The following DOCK1 variants were observed in gnomAD, a reference collection of about 807,000 sequenced individuals.
DOCK1 encodes dedicator of cytokinesis protein 1.
A neutral mutation model predicts 262.7 loss-of-function variants in DOCK1; 138 were observed. The ratio of observed to expected loss-of-function variants is 0.53; its 90% CI spans 0.46 to 0.61. The LOEUF is 0.61. Among genes scored for constraint, DOCK1 ranks in the 20% least tolerant of loss-of-function variants. The pLI is 0.00. For missense variants in DOCK1, 1,908 were observed against 2,370.7 expected, an observed-to-expected ratio of 0.80 and a Z score of 4.05; for synonymous variants, 866 against 867.4, an observed-to-expected ratio of 1.00 and a Z score of 0.03.
chr10:127,321,329 C>T (rs12146386), intron 29 of DOCK1, among the ~76,000 whole-genome samples: 11,291 of 133,464 alleles, frequency 0.085, 686 homozygotes, highest in African/African-American at 0.16. Flanking sequence ...TTCTTTCCTT[C>T]CTCTATCCTC....
chr10:127,080,773 C>A (rs1468002388), intron 23 of DOCK1, among the ~76,000 whole-genome samples: 1 of 152,124 alleles, frequency 6.6e-6, no homozygotes, highest in Admixed American at 6.6e-5. Flanking sequence ...TTTTGACTTT[C>A]CTGTTCAATA....
chr10:127,058,702 G>A (rs771733255), intron 22 of DOCK1, among the ~76,000 whole-genome samples: 6 of 151,774 alleles, frequency 4.0e-5, no homozygotes, highest in Non-Finnish European at 7.4e-5. Context: ...TTCTAGAGAT[G>A]GTAACATCCA....
At chr10:127,433,734 C>T (rs567855141) in intron 48 of DOCK1, among the ~76,000 whole-genome samples, 1 of 152,084 alleles carries the variant, frequency 6.6e-6, no homozygotes, top group Non-Finnish European at 1.5e-5. Context: ...CTTGTCCACC[C>T]GCGGCCCACG....
chr10:127,371,129 A>G (rs1009637164), intron 33 of DOCK1, among the ~76,000 whole-genome samples: 3 of 152,372 alleles, frequency 2.0e-5, no homozygotes, highest in South Asian at 2.1e-4. Context: ...ATTTAGTGGG[A>G]CAGGATCATT....
Position 127,012,203 on chromosome 10 carries a change from T to G in DOCK1, c.1059-29T>G. ...TGGGTCTCTGTGCCCCTTTGTCTCC[T>G]GTGGTCTTGGTCGTCCCGTGCCCTC... On this transcript the variant is annotated intron_variant, in intron 11 of 51. Transcript: ENST00000623213. The surrounding 1 kb of genome is among the most constrained non-coding windows in gnomAD (Gnocchi z 4.0). 1 of 1,247,796 alleles carries G rather than the reference T, an allele frequency of 8.0e-7. No homozygotes were observed. Among genetic ancestry groups the G allele is most frequent in the Non-Finnish European group, 1.2e-6 (1 of 848,424 alleles). 77.3% of individuals were successfully genotyped at this position (1,247,796 alleles called of 1,614,324 possible). A position where few individuals can be genotyped will look rare whatever the true frequency, so the allele number is the denominator to read the frequency against.
intron 38 of DOCK1, among the ~76,000 whole-genome samples, chr10:127,390,326 C>T (rs1430899575): frequency 6.6e-6 from 1 of 152,130 alleles, no homozygotes; most frequent in Non-Finnish European, 1.5e-5. Flanking sequence ...ATTGGGCCCA[C>T]GTGAACCATC....
chr10:127,018,474 G>T, intron 12 of DOCK1: 1 of 561,354 alleles, frequency 1.8e-6, no homozygotes, highest in Admixed American at 3.1e-5. Context: ...GCTGATGTGC[G>T]TTCAGCTGTC....
chr10:127,275,422 G>A lies in DOCK1; in HGVS notation c.3044+17993G>A, dbSNP rs79015684. ...AGAGGAGGAGGCCAGCCTGCTGTGC[G>A]GCATGGAGGAAGGCATGGAAGGAGG... On this transcript the variant is annotated intron_variant, in intron 29 of 51. Transcript: ENST00000623213. Among the ~76,000 whole-genome samples, 1,040 of 152,238 alleles carry A rather than the reference G, an allele frequency of 6.8e-3. 21 individuals are homozygous for A. The highest frequency in any genetic ancestry group is 0.023 in the African/African-American group (971 of 41,548).
chr10:127,108,439 T>A (rs1289841633), intron 24 of DOCK1, among the ~76,000 whole-genome samples: 1 of 152,060 alleles, frequency 6.6e-6, no homozygotes, highest in African/African-American at 2.4e-5. Context: ...TACAAAAAAT[T>A]AGCTGGGCAT....
At chr10:127,262,079 T>G (rs2060179841) in intron 29 of DOCK1, among the ~76,000 whole-genome samples, 1 of 146,128 alleles carries the variant, frequency 6.8e-6, no homozygotes, top group African/African-American at 2.6e-5. Flanking sequence ...TGCATGTGGG[T>G]GTGTGTGTGT....
At chr10:127,251,368 T>C (rs112962000) in intron 28 of DOCK1, among the ~76,000 whole-genome samples, 2,142 of 152,088 alleles carry the variant, frequency 0.014, 62 homozygotes, top group African/African-American at 0.049. Flanking sequence ...CAAAACACTT[T>C]CCATTTTTTT....
At chr10:127,017,587 A>G (rs115270034) in intron 12 of DOCK1, among the ~76,000 whole-genome samples, 59 of 152,218 alleles carry the variant, frequency 3.9e-4, no homozygotes, top group African/African-American at 1.2e-3. Context: ...ACAGACACAC[A>G]GTGACTCACA....
intron 18 of DOCK1, among the ~76,000 whole-genome samples, chr10:127,036,458 T>G (rs1462216668): frequency 6.6e-6 from 1 of 152,238 alleles, no homozygotes; most frequent in Admixed American, 6.5e-5. Context: ...GAGTTTGTTT[T>G]TTTTTTCTTC....
intron 2 of DOCK1, among the ~76,000 whole-genome samples, chr10:126,975,458 G>A (rs2038452859): frequency 6.6e-6 from 1 of 152,112 alleles, no homozygotes; most frequent in Non-Finnish European, 1.5e-5. Context: ...TGCCACCCAC[G>A]GTGACCAGGG....
At chr10:127,338,225 T>C (rs1258233514) in intron 29 of DOCK1, among the ~76,000 whole-genome samples, 2 of 152,216 alleles carry the variant, frequency 1.3e-5, no homozygotes, top group Non-Finnish European at 2.9e-5. Flanking sequence ...TAAAAAGTAG[T>C]GGACGAAGCT....
intron 24 of DOCK1, among the ~76,000 whole-genome samples, 158 bp from the exon 25 acceptor site, chr10:127,110,090 C>G (rs1182966594): frequency 2.0e-5 from 3 of 152,160 alleles, no homozygotes; most frequent in Non-Finnish European, 4.4e-5. Context: ...AACATCATTT[C>G]TTGGAATGAG....
At chr10:126,989,628 G>A (rs1444908281) in intron 5 of DOCK1, among the ~76,000 whole-genome samples, 2 of 152,168 alleles carry the variant, frequency 1.3e-5, no homozygotes, top group East Asian at 3.9e-4. Flanking sequence ...AGGCCAGCAT[G>A]CTTAGAGTTT....
chr10:126,941,528 G>A (rs74200784), intron 1 of DOCK1, among the ~76,000 whole-genome samples: 19,752 of 152,178 alleles, frequency 0.13, 1,648 homozygotes, highest in East Asian at 0.28. Context: ...AGGCCAAGGC[G>A]GGCGGATCAC....
intron 32 of DOCK1, among the ~76,000 whole-genome samples, chr10:127,357,910 G>T (rs2133894886): frequency 6.6e-6 from 1 of 152,246 alleles, no homozygotes; most frequent in East Asian, 1.9e-4. Context: ...AGGTGCCTGA[G>T]TGTCTTTGCC....
Sources: gnomAD v4.1 joint callset for allele counts (sites outside exome capture counted in the v4.1 genomes callset) on GRCh38, gnomAD v4.1.1 for gene constraint, Gnocchi (gnomAD v3.1) non-coding constraint, MANE v1.5 for transcripts, NCBI Gene and HGNC (gene_info 2026-07-23, HGNC 2026-07-21) for gene names.